The following RBM47 variants were observed in gnomAD, a reference collection of about 807,000 sequenced individuals.
RBM47 encodes RNA-binding protein 47.
Under a neutral mutation model 47.1 loss-of-function variants are expected in RBM47, and 21 were observed. That is an observed-to-expected ratio of 0.45 (90% confidence interval 0.32 to 0.64). The LOEUF is 0.64. RBM47 is among the 30% of genes least tolerant of loss of function. The pLI is 0.05. For missense variants in RBM47, 708 were observed against 870.9 expected (o/e 0.81, Z 2.35); for synonymous variants, 375 against 361.7 (o/e 1.04, Z -0.42).
At chr4:40,431,788 A>G (rs1716119833) in intron 6 of RBM47, among the ~76,000 whole-genome samples, 1 of 152,090 alleles carries the variant, frequency 6.6e-6, no homozygotes, top group African/African-American at 2.4e-5. Flanking sequence ...TGGTAAGATG[A>G]GTTTGGGAAG....
chr4:40,429,860 T>C (rs1211540652), intron 6 of RBM47, among the ~76,000 whole-genome samples: 1 of 151,462 alleles, frequency 6.6e-6, no homozygotes, highest in Non-Finnish European at 1.5e-5. Context: ...TAGGGGAGGA[T>C]GATCGAAGGT....
intron 1 of RBM47, among the ~76,000 whole-genome samples, chr4:40,568,229 C>T (rs1270404774): frequency 6.6e-6 from 1 of 151,480 alleles, no homozygotes; most frequent in Non-Finnish European, 1.5e-5. Context: ...AGTTCGAGAC[C>T]AGCCTGGGCA....
At chr4:40,553,454 T>C (rs1038575308) in intron 1 of RBM47, among the ~76,000 whole-genome samples, 2 of 152,198 alleles carry the variant, frequency 1.3e-5, no homozygotes, top group Admixed American at 6.5e-5. Flanking sequence ...CATGCCACTA[T>C]GCATGGCTAT....
intron 2 of RBM47, among the ~76,000 whole-genome samples, chr4:40,488,185 G>A (rs1215648585): frequency 1.3e-5 from 2 of 151,954 alleles, no homozygotes; most frequent in East Asian, 1.9e-4. Context: ...GTAGTGGTGC[G>A]CACCTGTAAT....
intron 1 of RBM47, among the ~76,000 whole-genome samples, chr4:40,573,865 C>T (rs1425285008): frequency 9.1e-6 from 1 of 110,492 alleles, no homozygotes; most frequent in Non-Finnish European, 1.7e-5. Context: ...TAAACTTTGA[C>T]TTTGAGGGTA....
intron 2 of RBM47, among the ~76,000 whole-genome samples, chr4:40,476,929 G>T (rs569221539): frequency 1.3e-5 from 2 of 152,334 alleles, no homozygotes; most frequent in Admixed American, 1.3e-4. Context: ...AGGAGCCAGA[G>T]TTGGAAGTAA....
chr4:40,522,626 A>G (rs920195137), intron 2 of RBM47, among the ~76,000 whole-genome samples: 5 of 152,184 alleles, frequency 3.3e-5, no homozygotes, highest in African/African-American at 9.6e-5. Flanking sequence ...TTCCAATTGC[A>G]TATCTTTGTG....
intron 1 of RBM47, among the ~76,000 whole-genome samples, chr4:40,569,016 T>TAGATAGATAGATAGACAGACAGAC (rs1472373539): frequency 8.1e-5 from 8 of 98,804 alleles, no homozygotes; most frequent in African/African-American, 2.8e-4. Context: ...GATAGATAGA[T>TAGATAGATAGATAGACAGACAGAC]AGACAGACAG....
At chr4:40,555,418 C>T (rs1425296477) in intron 1 of RBM47, among the ~76,000 whole-genome samples, 1 of 152,188 alleles carries the variant, frequency 6.6e-6, no homozygotes. Context: ...TTTCTTGCAG[C>T]ATGTCTGAGT....
intron 3 of RBM47, among the ~76,000 whole-genome samples, chr4:40,451,828 G>A (rs1715489124): frequency 6.6e-6 from 1 of 152,200 alleles, no homozygotes; most frequent in Non-Finnish European, 1.5e-5. Context: ...ATACAGTGGT[G>A]GCTACTGCAT....
chr4:40,607,864 G>A (rs964085967), intron 1 of RBM47, among the ~76,000 whole-genome samples: 1 of 152,160 alleles, frequency 6.6e-6, no homozygotes, highest in African/African-American at 2.4e-5. Context: ...TAGCACTTTG[G>A]GAGGTTGAGG....
chr4:40,425,933 G>A lies in RBM47; in HGVS notation c.1753C>T (p.Pro585Ser), dbSNP rs761249478. 28 of 1,614,094 alleles carry A rather than the reference G, an allele frequency of 1.7e-5. No individual in the cohort carries two copies. The highest frequency in any genetic ancestry group is 2.4e-5 in the Non-Finnish European group (28 of 1,180,048). ...TATGTCTGGTAGACGTCGGGGATGG[G>A]GACCTGAATGGCAGCAGCAGGGAAG... ...QAFPAAAIQVPIPDVYQTY is the reference protein window; with the variant it reads ...QAFPAAAIQVSIPDVYQTY The change falls in exon 7 of 7, where the codon CCC becomes TCC. Residue 585 changes from proline to serine, a missense_variant. By Grantham distance (74) the Pro-to-Ser change is moderately conservative. Transcript: ENST00000295971.
chr4:40,564,163 C>T (rs1184028329), intron 1 of RBM47, among the ~76,000 whole-genome samples: 1 of 152,166 alleles, frequency 6.6e-6, no homozygotes, highest in Non-Finnish European at 1.5e-5. Flanking sequence ...GAGGTGTGAC[C>T]ACTGACTATG....
rs151002092 is a variant in RBM47 at position 40,463,167 on chromosome 4, A to C, written c.-32+3410T>G. Among the ~76,000 whole-genome samples, 29 of 152,350 alleles carry C rather than the reference A, an allele frequency of 1.9e-4. 1 individual carries two copies. Among genetic ancestry groups the C allele is most frequent in the African/African-American group, 6.3e-4 (26 of 41,576 alleles). On this transcript the variant is annotated intron_variant, in intron 3 of 6. Coordinates refer to ENST00000295971, the MANE Select transcript of RBM47 (RefSeq NM_001098634.2). ...AGATATTTTTCCAAGGAAGATATAC[A>C]TTATACATCCGCAAAGATATACATT...
At chr4:40,481,424 C>T (rs1284917253) in intron 2 of RBM47, among the ~76,000 whole-genome samples, 1 of 145,466 alleles carries the variant, frequency 6.9e-6, no homozygotes, top group Non-Finnish European at 1.5e-5. Flanking sequence ...AGGTGAATGT[C>T]ACCATTCCCT....
chr4:40,438,493 T>G lies in RBM47; in HGVS notation c.401A>C (p.Tyr134Ser), dbSNP rs763012640. 9.9e-6 allele frequency: 16 copies of G among 1,613,336 alleles called. No homozygotes were observed. Among genetic ancestry groups the G allele is most frequent in the Non-Finnish European group, 1.4e-5 (16 of 1,179,870 alleles). ...GAGCAGGCGGCCCGGGCGGATCTCG[T>G]AGTTGTTGAGCTCACGCACTGCGCG... ...AKRAVRELNNYEIRPGRLLGV... is the reference protein window; with the variant it reads ...AKRAVRELNNSEIRPGRLLGV... The change falls in exon 4 of 7, where the codon TAC (tyrosine) becomes TCC (serine). Residue 134 changes from tyrosine (Y) to serine (S), a missense_variant. Physicochemically the swap from Tyr to Ser is moderately radical, Grantham distance 144 (BLOSUM62 -2). Coordinates refer to ENST00000295971, the MANE Select transcript of RBM47 (RefSeq NM_001098634.2).
chr4:40,457,402 G>A, intron 3 of RBM47, among the ~76,000 whole-genome samples: 1 of 135,218 alleles, frequency 7.4e-6, no homozygotes, highest in African/African-American at 2.8e-5. Flanking sequence ...CAGCCTGGGT[G>A]ACAGAGTGAG....
chr4:40,561,780 G>A (rs750960842), intron 1 of RBM47, among the ~76,000 whole-genome samples: 4 of 151,754 alleles, frequency 2.6e-5, no homozygotes, highest in Non-Finnish European at 4.4e-5. Flanking sequence ...GAACTCCTGC[G>A]CTCAAGCAAT....
intron 1 of RBM47, among the ~76,000 whole-genome samples, chr4:40,560,368 T>A (rs1306517310): frequency 6.6e-6 from 1 of 152,222 alleles, no homozygotes; most frequent in African/African-American, 2.4e-5. Context: ...GGAATGAGCA[T>A]GTGCATGGCC....
Sources: gnomAD v4.1 joint callset for allele counts (sites outside exome capture counted in the v4.1 genomes callset) on GRCh38, gnomAD v4.1.1 for gene constraint, MANE v1.5 for transcripts, NCBI Gene and HGNC (gene_info 2026-07-23, HGNC 2026-07-21) for gene names.